CSDE1: variants seen among roughly 807,000 people sequenced by gnomAD.
The protein encoded by CSDE1 is cold shock domain-containing protein E1.
Under a neutral mutation model 89.3 loss-of-function variants are expected in CSDE1, and 17 were observed. That is an observed-to-expected ratio of 0.19 (90% CI 0.13 to 0.29). The LOEUF is 0.29. CSDE1 is among the 10% of genes least tolerant of loss of function. The pLI, the probability that CSDE1 is intolerant of heterozygous loss-of-function variation, is 1.00. For synonymous variants in CSDE1, 322 were observed against 332.8 expected, an observed-to-expected ratio of 0.97 and a Z score of 0.35; for missense variants, 672 against 984.2, an observed-to-expected ratio of 0.68 and a Z score of 4.24.
chr1:114,724,153 T>A lies in CSDE1; in HGVS notation c.1754-151A>T, dbSNP rs1002191317. On this transcript the variant is annotated intron_variant, in intron 15 of 19. Transcript: ENST00000358528. ...GTAGGGAACCTGAAGCCAAGTTCTA[T>A]TTTTAGAACAGCTGCTGGACTTTAA... The A allele has an allele frequency of 6.3e-6, 4 of 636,756 alleles. No homozygotes were observed. The Admixed American group carries it at 1.3e-4, about 21-fold the overall frequency. 39.4% of individuals were successfully genotyped at this position (636,756 alleles called of 1,614,324 possible).
chr1:114,749,296 ATT>A (rs1661178947), intron 2 of CSDE1, among the ~76,000 whole-genome samples: 1 of 16,102 alleles, frequency 6.2e-5, no homozygotes, highest in Non-Finnish European at 9.0e-5. Flanking sequence ...TTAGTATCTT[ATT>A]CATTCGTTAT....
intron 5 of CSDE1, 125 bp from the exon 6 acceptor site, chr1:114,736,980 T>C (rs994664273): frequency 1.2e-5 from 8 of 658,968 alleles, no homozygotes; most frequent in African/African-American, 9.2e-5. Context: ...TTAAATGCTT[T>C]ATGACAAGTC....
intron 15 of CSDE1, 128 bp from the exon 16 acceptor site, chr1:114,724,130 AG>A: frequency 1.0e-6 from 1 of 956,950 alleles, no homozygotes; most frequent in Admixed American, 2.8e-5. Flanking sequence ...GAAATGGGGT[AG>A]GGAACCTGAA....
At chr1:114,733,547 A>AAC (rs1660223062) in intron 9 of CSDE1, among the ~76,000 whole-genome samples, 185 bp downstream of exon 9, 1 of 151,156 alleles carries the variant, frequency 6.6e-6, no homozygotes, top group Non-Finnish European at 1.5e-5. Context: ...AAAAAAAAAA[A>AAC]AACACCATAT....
At chr1:114,739,133 A>G (rs1270407105) in intron 3 of CSDE1, among the ~76,000 whole-genome samples, 3 of 151,706 alleles carry the variant, frequency 2.0e-5, no homozygotes, top group Admixed American at 6.6e-5. Context: ...CCAGGTTCAC[A>G]CCATTCTCCT....
At chr1:114,745,003 A>T (rs1393193565) in intron 2 of CSDE1, among the ~76,000 whole-genome samples, 1 of 151,280 alleles carries the variant, frequency 6.6e-6, no homozygotes, top group African/African-American at 2.4e-5. Flanking sequence ...ATTAAACATT[A>T]AAAAAAAACT....
At chr1:114,734,741 T>C (rs36039290) in intron 6 of CSDE1, among the ~76,000 whole-genome samples, 4,439 of 152,314 alleles carry the variant, frequency 0.029, 94 homozygotes, top group Non-Finnish European at 0.046. Context: ...CAAATATATA[T>C]ATAGGTCATC....
chr1:114,718,811 G>C (rs1659348228), intron 18 of CSDE1, 66 bp from the exon 19 acceptor site: 2 of 1,574,032 alleles, frequency 1.3e-6, no homozygotes, highest in East Asian at 4.5e-5. Context: ...ACTTGCAAAG[G>C]AGTGTGTTTT....
chr1:114,723,384 A>G (rs1476134409), intron 16 of CSDE1, among the ~76,000 whole-genome samples: 1 of 152,234 alleles, frequency 6.6e-6, no homozygotes, highest in African/African-American at 2.4e-5. Flanking sequence ...AGAAGAAGAA[A>G]GTAGAGAATG....
At chr1:114,734,178 C>T in intron 7 of CSDE1, 61 bp from the exon 8 acceptor site, 1 of 1,544,506 alleles carries the variant, frequency 6.5e-7, no homozygotes, top group South Asian at 1.2e-5. Context: ...ATGATTACAA[C>T]TTAAAACCAG....
intron 2 of CSDE1, chr1:114,746,956 T>C (rs927341163): frequency 6.6e-6 from 1 of 152,200 alleles, no homozygotes; most frequent in Non-Finnish European, 1.5e-5. Context: ...CGCCAAGTAA[T>C]CCTGTTATTT....
At chr1:114,724,058 A>C in intron 15 of CSDE1, 56 bp from the exon 16 acceptor site, 1 of 1,554,346 alleles carries the variant, frequency 6.4e-7, no homozygotes, top group Non-Finnish European at 8.7e-7. Context: ...ACTACATAGA[A>C]AGACAAGTAA....
Position 114,720,714 on chromosome 1 carries a change from T to C in CSDE1, c.1877A>G (p.Asp626Gly). 6.2e-7 allele frequency: 1 copy of C among 1,614,086 alleles called. No individual in the cohort carries two copies. Among genetic ancestry groups the C allele is most frequent in the Non-Finnish European group, 8.5e-7 (1 of 1,179,964 alleles). The change falls in exon 17 of 20, where the codon GAT becomes GGT. Residue 626 changes from aspartate (D) to glycine (G), a missense_variant. This residue lies in a region of CSDE1 where 206 missense variants were observed against 332.4 expected (regional missense o/e 0.62). Transcript: ENST00000358528. ...AAATGGATAGACCTCACCTTTCATA[T>C]CGCCTGTAAAACAGGTACAAAGTCT... ...QGMIEIVEEG[D>G]MKGEVYPFGI...
chr1:114,753,849 G>C (rs999429063), intron 1 of CSDE1, among the ~76,000 whole-genome samples: 1 of 151,790 alleles, frequency 6.6e-6, no homozygotes, highest in East Asian at 1.9e-4. Flanking sequence ...CCAGGAGTTT[G>C]AGGCTGCAGT....
intron 15 of CSDE1, chr1:114,724,216 T>C (rs1364765568): frequency 2.8e-6 from 1 of 356,064 alleles, no homozygotes; most frequent in Non-Finnish European, 5.1e-6. Flanking sequence ...TTTTCCTAAA[T>C]AGAATTGTTT....
At chr1:114,745,649 T>C (rs1483903561) in intron 2 of CSDE1, among the ~76,000 whole-genome samples, 4 of 152,242 alleles carry the variant, frequency 2.6e-5, no homozygotes, top group Admixed American at 6.5e-5. Context: ...TCTACTCATA[T>C]AGTAGGTAAC....
chr1:114,746,651 T>C (rs1661026284), intron 2 of CSDE1: 2 of 152,186 alleles, frequency 1.3e-5, no homozygotes, highest in Non-Finnish European at 2.9e-5. Flanking sequence ...AACTACTCAT[T>C]AGGTCTCTGA....
chr1:114,754,152 C>G (rs1277313335), intron 1 of CSDE1, among the ~76,000 whole-genome samples: 1 of 152,174 alleles, frequency 6.6e-6, no homozygotes, highest in African/African-American at 2.4e-5. Flanking sequence ...CCAGGCCTGG[C>G]TGGCTAATTT....
chr1:114,728,210 G>T (rs1316184916), intron 12 of CSDE1, among the ~76,000 whole-genome samples: 1 of 152,060 alleles, frequency 6.6e-6, no homozygotes, highest in African/African-American at 2.4e-5. Context: ...CCTTACCAAG[G>T]TTACAAAACC....
Sources: gnomAD v4.1 joint callset for allele counts (sites outside exome capture counted in the v4.1 genomes callset) on GRCh38, gnomAD v4.1.1 for gene constraint, gnomAD v4.1.1 regional missense constraint, MANE v1.5 for transcripts, NCBI Gene and HGNC (gene_info 2026-07-23, HGNC 2026-07-21) for gene names.